The following NAA11 variants were observed in gnomAD, a reference collection of about 807,000 sequenced individuals.
The protein encoded by NAA11 is N-alpha-acetyltransferase 11, NatA catalytic subunit.
A neutral mutation model predicts 16.1 loss-of-function variants in NAA11; 15 were observed. The ratio of observed to expected loss-of-function variants is 0.93; its 90% CI spans 0.62 to 1.44. NAA11 has a LOEUF of 1.44. NAA11 is among the 40% of genes most tolerant of loss of function. The pLI is 0.00. For missense variants in NAA11, 298 were observed against 291.3 expected (o/e 1.02, Z -0.17); for synonymous variants, 122 against 112.4 (o/e 1.09, Z -0.54).
chr4:79,303,074 T>TA (rs1560462860), intron 1 of NAA11, among the ~76,000 whole-genome samples: 1 of 72,284 alleles, frequency 1.4e-5, no homozygotes, highest in African/African-American at 7.4e-5. Flanking sequence ...TCTTGAGGCC[T>TA]TTTATATATA....
At chr4:79,165,701 G>A in the NAA11 span, among the ~76,000 whole-genome samples, 2 of 152,176 alleles carry the variant, frequency 1.3e-5, no homozygotes, top group African/African-American at 4.8e-5. Flanking sequence ...TTCACAGCTC[G>A]CTTCAAAATG....
At chr4:79,196,977 A>C in the NAA11 span, among the ~76,000 whole-genome samples, 2 of 147,510 alleles carry the variant, frequency 1.4e-5, no homozygotes, top group Non-Finnish European at 3.0e-5. Flanking sequence ...AAAAAAAAAA[A>C]AAAAAGAAAG....
chr4:79,284,966 G>A (rs1317795159), intron 2 of NAA11, among the ~76,000 whole-genome samples: 3 of 152,026 alleles, frequency 2.0e-5, no homozygotes, highest in Admixed American at 6.6e-5. Flanking sequence ...TAGGAGGTAG[G>A]TGACTAATTT....
intron 1 of NAA11, among the ~76,000 whole-genome samples, chr4:79,306,880 G>C (rs1723598326): frequency 6.6e-6 from 1 of 152,160 alleles, no homozygotes; most frequent in Non-Finnish European, 1.5e-5. Flanking sequence ...ACCTCATCAA[G>C]AAGCAGAGGA....
At chr4:79,259,193 C>T (rs1722194033) in intron 2 of NAA11, among the ~76,000 whole-genome samples, 1 of 152,122 alleles carries the variant, frequency 6.6e-6, no homozygotes, top group African/African-American at 2.4e-5. Flanking sequence ...AGAGCTGTGA[C>T]ACAAGCAGGT....
At chr4:79,171,780 T>G in the NAA11 span, among the ~76,000 whole-genome samples, 1 of 152,196 alleles carries the variant, frequency 6.6e-6, no homozygotes, top group Non-Finnish European at 1.5e-5. Context: ...CTCCTTGTTC[T>G]ATGACACATA....
rs142372139 is a variant in NAA11, at chr4:79,326,050, T to C, written c.-173A>G. The stretch of plus-strand genomic sequence containing the variant: ...CGGAAGGAGCAGGAGATGGAAAAGA[T>C]GGTGCCAAACTGCGGCTTTCAGAAG... On this transcript the variant is annotated 5_prime_UTR_variant, in exon 1 of 2. Transcript: ENST00000286794. 207 of 619,112 alleles carry C rather than the reference T, an allele frequency of 3.3e-4. 1 individual carries two copies. In the African/African-American group the frequency reaches 3.5e-3, roughly 10 times the overall value. 38.4% of individuals were successfully genotyped at this position (619,112 alleles called of 1,614,324 possible). A position where few individuals can be genotyped will look rare whatever the true frequency, so the allele number is the denominator to read the frequency against.
intron 1 of NAA11, among the ~76,000 whole-genome samples, chr4:79,319,821 G>A (rs1157583980): frequency 6.6e-6 from 1 of 152,184 alleles, no homozygotes; most frequent in East Asian, 1.9e-4. Context: ...TACCAGACCT[G>A]TCAGTCTGTA....
At chr4:79,162,172 C>T in the NAA11 span, among the ~76,000 whole-genome samples, 286 of 152,200 alleles carry the variant, frequency 1.9e-3, no homozygotes, top group African/African-American at 6.8e-3. Context: ...GTATATTGGT[C>T]TTGCATCTTG....
chr4:79,206,003 G>A, the NAA11 span, among the ~76,000 whole-genome samples: 1 of 151,988 alleles, frequency 6.6e-6, no homozygotes, highest in South Asian at 2.1e-4. Flanking sequence ...TGCTGTTTTG[G>A]TTACTATAGC....
At chr4:79,176,291 C>T in the NAA11 span, among the ~76,000 whole-genome samples, 1 of 152,060 alleles carries the variant, frequency 6.6e-6, no homozygotes, top group Non-Finnish European at 1.5e-5. Flanking sequence ...GTTAATAGAT[C>T]AATTCTTTTG....
chr4:79,250,511 C>T (rs1026043185), intron 2 of NAA11, among the ~76,000 whole-genome samples: 1 of 152,110 alleles, frequency 6.6e-6, no homozygotes, highest in African/African-American at 2.4e-5. Context: ...AATGTAAACC[C>T]TAAAAGTATA....
At chr4:79,172,675 G>A in the NAA11 span, among the ~76,000 whole-genome samples, 4 of 152,188 alleles carry the variant, frequency 2.6e-5, no homozygotes, top group East Asian at 1.9e-4. Flanking sequence ...ACCTGGGGTA[G>A]CTTTTTCAAG....
chr4:79,325,256 C>CT lies in NAA11; in HGVS notation c.621dup (p.Glu208ArgfsTer3). The CT allele has an allele frequency of 3.7e-6, 6 of 1,613,722 alleles. No individual in the cohort carries two copies. Among genetic ancestry groups the CT allele is most frequent in the Non-Finnish European group, 5.1e-6 (6 of 1,179,746 alleles). ...GTGCTCTCCACAGACTCCTTAGGTT[C>CT]TTTGCTGTCACTGCCACTTTCTTCG... On this transcript the variant is annotated frameshift_variant, in exon 1 of 2. Coordinates refer to ENST00000286794, the MANE Select transcript of NAA11 (RefSeq NM_032693.3). LOFTEE classifies it high-confidence loss of function.
intron 2 of NAA11, among the ~76,000 whole-genome samples, chr4:79,279,676 A>G (rs1722741699): frequency 6.6e-6 from 1 of 152,150 alleles, no homozygotes; most frequent in Admixed American, 6.6e-5. Flanking sequence ...TGTGCCAAAT[A>G]GAATATTTTG....
downstream of NAA11, among the ~76,000 whole-genome samples, chr4:79,314,420 A>G (rs1324255693): frequency 1.3e-5 from 2 of 152,124 alleles, no homozygotes; most frequent in Non-Finnish European, 2.9e-5. Context: ...GACAGTGTGC[A>G]AAACAATCAC....
chr4:79,251,796 C>G lies in NAA11; in HGVS notation c.*123-25526G>C, dbSNP rs539220007. 2.6e-5 allele frequency among the ~76,000 whole-genome samples: 4 copies of G among 152,186 alleles called. No homozygotes were observed. In the South Asian group the frequency reaches 6.2e-4, roughly 24 times the overall value. ...AACTACCAGATCCATATGAATAAAA[C>G]TGATTATGCCTCTTTCAAAAAAAGA... On this transcript the variant is annotated intron_variant and NMD_transcript_variant, in intron 2 of 2. Transcript: ENST00000511542.
rs186755425 is a variant in NAA11 at position 79,240,318 on chromosome 4, T to A, written c.*123-14048A>T. Among the ~76,000 whole-genome samples, 45 of 152,320 alleles carry A rather than the reference T, an allele frequency of 3.0e-4. 1 individual carries two copies. The highest frequency in any genetic ancestry group is 1.1e-3 in the African/African-American group (45 of 41,568). The stretch of plus-strand genomic sequence containing the variant: ...TGGACCAATTTAAAGATGGAATGGC[T>A]TACTAAAGCAGTCAGGTATAGTGTC... On this transcript the variant is annotated intron_variant and NMD_transcript_variant, in intron 2 of 2. Transcript: ENST00000511542.
At position 79,326,011 on chromosome 4, in the gene NAA11, G is replaced by A. The variant is rs1724271154; in HGVS notation, c.-134C>T. 6.9e-6 allele frequency: 5 copies of A among 724,778 alleles called. No homozygotes were observed. The highest frequency in any genetic ancestry group is 1.1e-5 in the Non-Finnish European group (5 of 437,236). 44.9% of individuals were successfully genotyped at this position (724,778 alleles called of 1,614,324 possible). ...CACCGGGCTGAATCGTGTGGAGGGC[G>A]GATGGCGGGAAGGCGGAAGGAGCAG... On this transcript the variant is annotated 5_prime_UTR_variant, in exon 1 of 2. Transcript: ENST00000286794.
Sources: gnomAD v4.1 joint callset for allele counts (sites outside exome capture counted in the v4.1 genomes callset) on GRCh38, gnomAD v4.1.1 for gene constraint, MANE v1.5 for transcripts, NCBI Gene and HGNC (gene_info 2026-07-23, HGNC 2026-07-21) for gene names.